ANKDD1A: variants seen among roughly 807,000 people sequenced by gnomAD.
The protein encoded by ANKDD1A is ankyrin repeat and death domain containing 1A, also known as ankyrin repeat and death domain-containing protein 1A.
In ANKDD1A, 59 loss-of-function variants were observed where a neutral mutation model predicts 63.5. That is an observed-to-expected ratio of 0.93 (90% CI 0.75 to 1.15). The LOEUF is 1.15. Among genes scored for constraint, ANKDD1A ranks in the 50% most tolerant of loss-of-function variants. The pLI is 0.00. For missense variants in ANKDD1A, 632 were observed against 656.4 expected (o/e 0.96, Z 0.41); for synonymous variants, 266 against 263.9 (o/e 1.01, Z -0.08).
intron 3 of ANKDD1A, among the ~76,000 whole-genome samples, chr15:64,920,239 G>A (rs144939179): frequency 2.0e-5 from 3 of 152,256 alleles, no homozygotes; most frequent in South Asian, 2.1e-4. Context: ...AAAAGACTCC[G>A]GGGAGGTGGG....
chr15:64,952,959 C>T (rs1435445313), intron 14 of ANKDD1A, among the ~76,000 whole-genome samples: 26 of 121,544 alleles, frequency 2.1e-4, no homozygotes, highest in African/African-American at 6.4e-4. Flanking sequence ...CTCTTTCTTC[C>T]TCTTCTTCTT....
rs2085321601 is a variant in ANKDD1A at position 64,952,809 on chromosome 15, TCCTC to T, written c.1483+2839_1483+2842del. 7.5e-5 allele frequency among the ~76,000 whole-genome samples: 11 copies of T among 147,646 alleles called. No homozygotes were observed. The South Asian group carries it at 2.2e-3, about 29-fold the overall frequency. On this transcript the variant is annotated intron_variant, in intron 14 of 14. Coordinates refer to ENST00000319580, the MANE Select transcript of ANKDD1A (RefSeq NM_182703.6). ...TCTCCTTCTTCTTTTCTTCTCCTTC[TCCTC>T]CTTCTTCCTCCTCCTTCTTCCTTTC...
chr15:64,947,417 A>T lies in ANKDD1A; in HGVS notation c.1175A>T (p.Asp392Val). 6.2e-7 allele frequency: 1 copy of T among 1,612,988 alleles called. No individual in the cohort carries two copies. The highest frequency in any genetic ancestry group is 8.5e-7 in the Non-Finnish European group (1 of 1,179,114). ...TCTGCCCCACAGGACCACCCCAGTG[A>T]TCCCTCTGGGAAGAGCTTGTCCTTT... ...FYRWEKDHPSDPSGKSLSFKQ... is the reference protein window; with the variant it reads ...FYRWEKDHPSVPSGKSLSFKQ... Residue 392 changes from aspartate (D) to valine (V), a missense_variant, in exon 13 of 15, where the codon GAT becomes GTT. By Grantham distance (152) the Asp-to-Val change is radical (BLOSUM62 -3). Transcript: ENST00000319580.
At chr15:64,949,794 C>G in intron 13 of ANKDD1A, 47 bp from the exon 14 acceptor site, 1 of 1,590,390 alleles carries the variant, frequency 6.3e-7, no homozygotes. Flanking sequence ...GTCAAGTGGC[C>G]CCATTGGCTC....
At chr15:64,929,492 C>T (rs1185134831) in intron 6 of ANKDD1A, among the ~76,000 whole-genome samples, 2 of 152,106 alleles carry the variant, frequency 1.3e-5, no homozygotes. Flanking sequence ...AAAGGACAAC[C>T]CCACGCAGGC....
intron 3 of ANKDD1A, among the ~76,000 whole-genome samples, chr15:64,920,803 C>T (rs767854658): frequency 8.6e-5 from 13 of 151,390 alleles, no homozygotes; most frequent in Non-Finnish European, 1.6e-4. Flanking sequence ...CCACCTTGGT[C>T]CCTCCCAAAG....
rs1257150149 is a variant in ANKDD1A, at chr15:64,949,986, C to T, written c.1483+14C>T. On this transcript the variant is annotated intron_variant, in intron 14 of 14. Transcript: ENST00000319580. ...GGGACCTGGCTGGTAAGAGCGTACT[C>T]TGCTGGGCTGCTTCTCAGGAGCTGG... 2 of 1,605,922 alleles carry T rather than the reference C, an allele frequency of 1.2e-6. No homozygotes were observed. Among genetic ancestry groups the T allele is most frequent in the African/African-American group, 1.3e-5 (1 of 74,902 alleles).
rs185509429 is a variant in ANKDD1A at position 64,949,086 on chromosome 15, C to T, written c.1352-755C>T. 4.6e-5 allele frequency among the ~76,000 whole-genome samples: 7 copies of T among 152,248 alleles called. No individual in the cohort carries two copies. The East Asian group carries it at 9.7e-4, about 21-fold the overall frequency. On this transcript the variant is annotated intron_variant, in intron 13 of 14. Coordinates refer to ENST00000319580, the MANE Select transcript of ANKDD1A (RefSeq NM_182703.6). Reference sequence around the variant, plus strand: ...CCTGCTGAGGGCCCCAAGAGGGGCACGGAAGGTCAGAGGGGCGAATGGAGT... The same window carrying T: ...CCTGCTGAGGGCCCCAAGAGGGGCATGGAAGGTCAGAGGGGCGAATGGAGT...
intron 2 of ANKDD1A, among the ~76,000 whole-genome samples, chr15:64,917,093 C>T (rs116436503): frequency 1.6e-3 from 247 of 152,286 alleles, no homozygotes; most frequent in African/African-American, 5.9e-3. Context: ...AGTGCCAGAC[C>T]ATGCAGCGCC....
intron 4 of ANKDD1A, among the ~76,000 whole-genome samples, chr15:64,925,342 G>T (rs1236435885): frequency 6.6e-6 from 1 of 151,952 alleles, no homozygotes; most frequent in Non-Finnish European, 1.5e-5. Flanking sequence ...ACCCACTGAT[G>T]GGTTGCAAAC....
intron 9 of ANKDD1A, among the ~76,000 whole-genome samples, chr15:64,935,211 G>GTGAGA (rs2140374473): frequency 7.6e-6 from 1 of 131,578 alleles, no homozygotes; most frequent in African/African-American, 2.8e-5. Flanking sequence ...CTGGGCAAGA[G>GTGAGA]TGAGACTCTG....
At chr15:64,912,054 C>T in intron 1 of ANKDD1A, 90 bp downstream of exon 1, 1 of 1,192,474 alleles carries the variant, frequency 8.4e-7, no homozygotes, top group Non-Finnish European at 1.1e-6. Context: ...AGGTTGGCGC[C>T]CTCCGAACGG....
At chr15:64,914,628 AC>A (rs1177014138) in intron 1 of ANKDD1A, among the ~76,000 whole-genome samples, 20 of 152,184 alleles carry the variant, frequency 1.3e-4, no homozygotes, top group African/African-American at 4.8e-4. Context: ...TCCTGTGCCC[AC>A]CTTTGGGCCT....
At chr15:64,946,138 CTTAG>C (rs973952898) in intron 12 of ANKDD1A, among the ~76,000 whole-genome samples, 1 of 152,116 alleles carries the variant, frequency 6.6e-6, no homozygotes, top group African/African-American at 2.4e-5. Context: ...CATGTTTAAA[CTTAG>C]TTAAACTAAC....
intron 14 of ANKDD1A, chr15:64,950,214 C>T: frequency 1.0e-6 from 1 of 985,412 alleles, no homozygotes; most frequent in Non-Finnish European, 1.2e-6. Flanking sequence ...CTTCACAGCC[C>T]CGGAGCCAGT....
chr15:64,953,576 G>A, intron 14 of ANKDD1A, among the ~76,000 whole-genome samples: 1 of 17,930 alleles, frequency 5.6e-5, no homozygotes, highest in Non-Finnish European at 1.6e-4. Context: ...CTTCTTCTTA[G>A]TTCTTCTTCT....
chr15:64,957,118 C>T lies in ANKDD1A; in HGVS notation c.1499C>T (p.Ala500Val), dbSNP rs1292753210. Reference protein sequence around the residue: ...RRDLAGWSTMARSQLTATSAS... With the variant: ...RRDLAGWSTMVRSQLTATSAS... ...TCTCACCCAGGCTGGAGTACAATGG[C>T]GAGATCTCAGCTCACGGCAACCTCC... The change falls in exon 15 of 15, where the codon GCG (alanine) becomes GTG (valine). Residue 500 changes from alanine to valine, a missense_variant. By Grantham distance (64) the Ala-to-Val change is moderately conservative (BLOSUM62 0). Coordinates refer to ENST00000319580, the MANE Select transcript of ANKDD1A (RefSeq NM_182703.6). The T allele has an allele frequency of 1.6e-5, 7 of 443,870 alleles. No individual in the cohort carries two copies. Among genetic ancestry groups the T allele is most frequent in the East Asian group, 7.7e-5 (1 of 13,054 alleles). 27.5% of individuals were successfully genotyped at this position (443,870 alleles called of 1,614,324 possible).
At chr15:64,956,232 C>CT (rs1326620566) in intron 14 of ANKDD1A, among the ~76,000 whole-genome samples, 3,450 of 96,306 alleles carry the variant, frequency 0.036, 145 homozygotes, top group South Asian at 0.16. Context: ...CTTTGGATTC[C>CT]TTTTTTTTTT....
intron 14 of ANKDD1A, among the ~76,000 whole-genome samples, chr15:64,952,907 TCTTCTTCTC>T (rs886966713): frequency 1.4e-5 from 1 of 72,188 alleles, no homozygotes; most frequent in Non-Finnish European, 4.1e-5. Flanking sequence ...TCCTTCCTTC[TCTTCTTCTC>T]CTTCTTCTTA....
Sources: gnomAD v4.1 joint callset for allele counts (sites outside exome capture counted in the v4.1 genomes callset) on GRCh38, gnomAD v4.1.1 for gene constraint, MANE v1.5 for transcripts, NCBI Gene and HGNC (gene_info 2026-07-23, HGNC 2026-07-21) for gene names.